The following CSMD3 variants were observed in gnomAD, a reference collection of about 807,000 sequenced individuals.
CSMD3 encodes CUB and Sushi multiple domains 3, also known as CUB and sushi domain-containing protein 3.
In CSMD3, 177 loss-of-function variants were observed where a neutral mutation model predicts 435.2. The ratio of observed to expected loss-of-function variants is 0.41; its 90% CI spans 0.36 to 0.46. CSMD3 has a LOEUF of 0.46. Among genes scored for constraint, CSMD3 ranks in the 20% least tolerant of loss-of-function variants. CSMD3 has a pLI of 0.34. For synonymous variants in CSMD3, 1,656 were observed against 1,520.5 expected (o/e 1.09, Z -2.07); for missense variants, 4,265 against 4,504.6 (o/e 0.95, Z 1.52).
intron 35 of CSMD3, among the ~76,000 whole-genome samples, chr8:112,392,710 T>C (rs1586971623): frequency 1.3e-5 from 2 of 151,944 alleles, no homozygotes; most frequent in East Asian, 3.9e-4. Flanking sequence ...GTGGCCTCCC[T>C]ATGGCTGGTA....
Position 112,237,321 on chromosome 8 carries a change from T to C in CSMD3, c.10496A>G (p.Tyr3499Cys). The stretch of plus-strand genomic sequence containing the variant: ...GAAATTGTAAGAGCCTTTCCATATA[T>C]AATTTTGGGCAAATACATCATCAGG... ...SVPDDVFAQN[Y>C]IWKGSYNFKG... is the part of the protein sequence containing the mutation. The change falls in exon 67 of 71, where the codon TAT becomes TGT. Residue 3499 changes from tyrosine to cysteine, a missense_variant. Tyr to Cys is a radical substitution (Grantham distance 194). This residue lies in a region of CSMD3 where 3,255 missense variants were observed against 3,380.2 expected (regional missense o/e 0.96). Coordinates refer to ENST00000297405, the MANE Select transcript of CSMD3 (RefSeq NM_198123.2). 2 of 1,612,554 alleles carry C rather than the reference T, an allele frequency of 1.2e-6. No homozygotes were observed. The highest frequency in any genetic ancestry group is 1.7e-6 in the Non-Finnish European group (2 of 1,178,722).
Position 113,392,975 on chromosome 8 carries a change from G to A in CSMD3, c.178+43702C>T, listed in dbSNP as rs570595858. On this transcript the variant is annotated intron_variant, in intron 1 of 70. Coordinates refer to ENST00000297405, the MANE Select transcript of CSMD3 (RefSeq NM_198123.2). ...TATATATATGTGTGTGTGTGTGTGTGTATATACATATGTATATATATATAT... is the reference window on the plus strand; with the variant it reads ...TATATATATGTGTGTGTGTGTGTGTATATATACATATGTATATATATATAT... Among the ~76,000 whole-genome samples, 85 of 149,794 alleles carry A rather than the reference G, an allele frequency of 5.7e-4. 1 individual carries two copies. Among genetic ancestry groups the A allele is most frequent in the Non-Finnish European group, 9.6e-4 (65 of 67,610 alleles).
At chr8:113,105,236 T>C (rs1476886014) in intron 4 of CSMD3, among the ~76,000 whole-genome samples, 2 of 152,100 alleles carry the variant, frequency 1.3e-5, no homozygotes, top group East Asian at 3.9e-4. Flanking sequence ...ACCAGGTCTA[T>C]GAAGAACTGT....
At chr8:113,223,733 C>A (rs2092995624) in intron 3 of CSMD3, among the ~76,000 whole-genome samples, 1 of 141,986 alleles carries the variant, frequency 7.0e-6, no homozygotes, top group Admixed American at 7.0e-5. Context: ...CAAAATCCTA[C>A]TTTAAGCTGT....
chr8:112,785,485 C>A (rs749148702), intron 13 of CSMD3, among the ~76,000 whole-genome samples: 6 of 151,850 alleles, frequency 4.0e-5, no homozygotes, highest in Non-Finnish European at 5.9e-5. Context: ...CATTTACATG[C>A]AATATAAATT....
chr8:113,006,707 C>T (rs1247097135), intron 6 of CSMD3, among the ~76,000 whole-genome samples: 5 of 151,658 alleles, frequency 3.3e-5, no homozygotes, highest in Non-Finnish European at 5.9e-5. Flanking sequence ...CATGGGATAC[C>T]GATAAAATGA....
intron 10 of CSMD3, among the ~76,000 whole-genome samples, chr8:112,884,077 T>G (rs935311529): frequency 2.0e-5 from 3 of 151,880 alleles, no homozygotes. Flanking sequence ...AGTTAACATC[T>G]TAAAAGTATG....
chr8:112,691,311 C>A lies in CSMD3; in HGVS notation c.1973-1261G>T, dbSNP rs78115716. ...ATCTATCAGGGACATTGGTCTATAA[C>A]TTTTTTCTTCTGCTCTTCATATCTA... On this transcript the variant is annotated intron_variant, in intron 13 of 70. Coordinates refer to ENST00000297405, the MANE Select transcript of CSMD3 (RefSeq NM_198123.2). Among the ~76,000 whole-genome samples, 546 of 152,012 alleles carry A rather than the reference C, an allele frequency of 3.6e-3. 8 individuals carry two copies. Among genetic ancestry groups the A allele is most frequent in the African/African-American group, 0.013 (522 of 41,506 alleles).
intron 9 of CSMD3, among the ~76,000 whole-genome samples, chr8:112,937,007 T>G (rs2083299036): frequency 6.6e-6 from 1 of 152,108 alleles, no homozygotes; most frequent in African/African-American, 2.4e-5. Context: ...GAGGAGACCA[T>G]GAAGGTAAAG....
chr8:112,338,426 TA>T (rs151070852), intron 42 of CSMD3, among the ~76,000 whole-genome samples: 2,076 of 152,300 alleles, frequency 0.014, 49 homozygotes, highest in African/African-American at 0.047. Context: ...AGAGTAGTGT[TA>T]AATAAACATT....
At position 113,183,705 on chromosome 8, in the gene CSMD3, T is replaced by C. The variant is rs549350641; in HGVS notation, c.515-9789A>G. The stretch of plus-strand genomic sequence containing the variant: ...TTTATGCCTGAGCTCTTCTCTGTTT[T>C]ATATATAATGTCTTACTTGTTTACA... On this transcript the variant is annotated intron_variant, in intron 3 of 70. Transcript: ENST00000297405. Among the ~76,000 whole-genome samples, 8 of 152,048 alleles carry C rather than the reference T, an allele frequency of 5.3e-5. No individual in the cohort carries two copies. In the South Asian group the frequency reaches 1.7e-3, roughly 32 times the overall value.
At chr8:112,591,987 G>A (rs771342378) in intron 22 of CSMD3, among the ~76,000 whole-genome samples, 22 of 151,974 alleles carry the variant, frequency 1.4e-4, no homozygotes, top group Non-Finnish European at 2.9e-4. Context: ...CATTGATTGT[G>A]AGATACACAC....
Position 112,255,356 on chromosome 8 carries a change from C to T in CSMD3, c.9934G>A (p.Glu3312Lys), listed in dbSNP as rs1379792950. Residue 3312 changes from glutamate (E) to lysine (K), a missense_variant, in exon 62 of 71, where the codon GAG becomes AAG. By Grantham distance (56) the Glu-to-Lys change is moderately conservative (BLOSUM62 1). Transcript: ENST00000297405. Reference sequence around the variant, plus strand: ...GGAAAATTGCAGCTGAATGAAACCTCTGACTGGTATATAAAGCTTTTGCCT... The same window carrying T: ...GGAAAATTGCAGCTGAATGAAACCTTTGACTGGTATATAAAGCTTTTGCCT... Reference protein sequence around the residue: ...REGKSFIYQSEVSFSCNFPFI... With the variant: ...REGKSFIYQSKVSFSCNFPFI... 1.9e-6 allele frequency: 3 copies of T among 1,613,716 alleles called. No individual in the cohort carries two copies. The highest frequency in any genetic ancestry group is 2.5e-6 in the Non-Finnish European group (3 of 1,179,772).
rs1043567143 is a variant in CSMD3 at position 112,492,491 on chromosome 8, T to A, written c.5276A>T (p.His1759Leu). 6.2e-7 allele frequency: 1 copy of A among 1,612,760 alleles called. No homozygotes were observed. The highest frequency in any genetic ancestry group is 2.2e-5 in the East Asian group (1 of 44,848). Residue 1759 changes from histidine to leucine, a missense_variant and splice_region_variant, in exon 31 of 71, where the codon CAT (histidine) becomes CTT (leucine). By Grantham distance (99) the His-to-Leu change is moderately conservative. Coordinates refer to ENST00000297405, the MANE Select transcript of CSMD3 (RefSeq NM_198123.2). ...CAGCCAAAAAATATGTTCCTTACCA[T>A]GACAACTTGGCAAGGCTCTATTCCA... ...PGWNRALPSCHAPCGSRSTGS... is the reference protein window; with the variant it reads ...PGWNRALPSCLAPCGSRSTGS...
chr8:112,291,824 A>T, intron 55 of CSMD3, 129 bp from the exon 56 acceptor site: 1 of 646,938 alleles, frequency 1.5e-6, no homozygotes, highest in Non-Finnish European at 2.6e-6. Flanking sequence ...TCCAATAATA[A>T]AATTAATCCC....
chr8:112,477,139 T>A (rs1233487016), intron 31 of CSMD3, among the ~76,000 whole-genome samples: 5 of 152,174 alleles, frequency 3.3e-5, no homozygotes, highest in Non-Finnish European at 4.4e-5. Context: ...CAGAAAAAAT[T>A]ACTTAAATTT....
chr8:112,769,879 A>G (rs1383073284), intron 13 of CSMD3, among the ~76,000 whole-genome samples: 1 of 152,008 alleles, frequency 6.6e-6, no homozygotes, highest in Non-Finnish European at 1.5e-5. Flanking sequence ...AATAAAGGGA[A>G]TCTATGGCAG....
At chr8:112,579,135 T>A (rs1414067338) in intron 23 of CSMD3, among the ~76,000 whole-genome samples, 1 of 152,042 alleles carries the variant, frequency 6.6e-6, no homozygotes, top group Non-Finnish European at 1.5e-5. Flanking sequence ...AAAACAGGAT[T>A]ATGTCAGAAC....
intron 10 of CSMD3, among the ~76,000 whole-genome samples, chr8:112,881,354 C>T (rs2081443332): frequency 6.6e-6 from 1 of 151,956 alleles, no homozygotes; most frequent in Non-Finnish European, 1.5e-5. Context: ...TAATGGAAGG[C>T]ATGGTAAAGA....
Sources: allele counts gnomAD v4.1 joint callset (sites outside exome capture counted in the v4.1 genomes callset), GRCh38; gene constraint gnomAD v4.1.1; regional missense constraint gnomAD v4.1.1; transcripts MANE v1.5; gene names NCBI Gene and HGNC (gene_info 2026-07-23, HGNC 2026-07-21).